The following DAB1 variants were observed in gnomAD, a reference collection of about 807,000 sequenced individuals.
DAB1 encodes disabled homolog 1.
A neutral mutation model predicts 64.6 loss-of-function variants in DAB1; 15 were observed. That is an observed-to-expected ratio of 0.23 (90% CI 0.16 to 0.36). DAB1 has a LOEUF of 0.36. Ranked by LOEUF, DAB1 falls within the 10% of genes least tolerant of loss-of-function variation. The probability of loss-of-function intolerance (pLI) is 1.00; values close to 1 mark genes in which losing one functional copy is unlikely to be tolerated. For missense variants in DAB1, 596 were observed against 706.7 expected (o/e 0.84, Z 1.78); for synonymous variants, 235 against 251.9 (o/e 0.93, Z 0.64).
intron 4 of DAB1, among the ~76,000 whole-genome samples, chr1:58,313,758 T>C (rs1444551760): frequency 1.3e-5 from 2 of 151,440 alleles, no homozygotes; most frequent in Non-Finnish European, 2.9e-5. Context: ...GCCAGTGGGA[T>C]TGGTTCCTGG....
intron 10 of DAB1, 45 bp downstream of exon 10, chr1:57,025,935 AG>A (rs1646770845): frequency 6.1e-6 from 9 of 1,477,770 alleles, no homozygotes; most frequent in Non-Finnish European, 8.2e-6. Context: ...GGATGTGTAA[AG>A]AAAGGAATTC....
chr1:57,358,928 T>G (rs138678208), intron 1 of DAB1, among the ~76,000 whole-genome samples: 37 of 152,024 alleles, frequency 2.4e-4, no homozygotes, highest in Admixed American at 2.2e-3. Flanking sequence ...AAAATAAAAT[T>G]TACTTCTCAC....
chr1:57,264,179 C>T (rs181524455), intron 2 of DAB1, among the ~76,000 whole-genome samples: 1 of 152,162 alleles, frequency 6.6e-6, no homozygotes, highest in Non-Finnish European at 1.5e-5. Flanking sequence ...ATGTACCTCA[C>T]ATCATAGTAT....
chr1:58,354,268 C>G (rs560543642), intron 3 of DAB1, among the ~76,000 whole-genome samples: 2 of 151,948 alleles, frequency 1.3e-5, no homozygotes, highest in Non-Finnish European at 2.9e-5. Context: ...CAGACCTATT[C>G]GAATTCAAGC....
intron 6 of DAB1, among the ~76,000 whole-genome samples, chr1:57,808,189 A>G (rs1040801096): frequency 8.7e-6 from 1 of 114,438 alleles, no homozygotes; most frequent in African/African-American, 4.0e-5. Flanking sequence ...TCACACACAC[A>G]TGCACATGCA....
At chr1:57,045,857 A>G (rs996351317) in intron 9 of DAB1, among the ~76,000 whole-genome samples, 6 of 152,186 alleles carry the variant, frequency 3.9e-5, no homozygotes, top group African/African-American at 1.4e-4. Flanking sequence ...CAGAACTTCT[A>G]TGATAGGCAG....
intron 5 of DAB1, among the ~76,000 whole-genome samples, chr1:57,933,576 A>C (rs1201454140): frequency 6.6e-6 from 1 of 152,104 alleles, no homozygotes; most frequent in Admixed American, 6.6e-5. Context: ...GTTCCTTTTT[A>C]TTATTGATGA....
chr1:58,037,372 C>T (rs1208501243), intron 5 of DAB1, among the ~76,000 whole-genome samples: 1 of 152,142 alleles, frequency 6.6e-6, no homozygotes, highest in Admixed American at 6.5e-5. Flanking sequence ...GGGTCCCCAA[C>T]CCCTGGGCTG....
intron 3 of DAB1, among the ~76,000 whole-genome samples, chr1:58,373,239 G>C (rs959907863): frequency 1.4e-5 from 2 of 145,340 alleles, no homozygotes; most frequent in Non-Finnish European, 3.0e-5. Context: ...AGTTACATAT[G>C]TATACATGTG....
In DAB1 at chr1:58,001,568, C is replaced by T. The variant is rs544528058; in HGVS notation, n.388-117406G>A. Reference sequence around the variant, plus strand: ...AGCCACCACACCCAGCTGAAAAGGCCCTTTTTCTGAACCACACATCTCCTG... The same window carrying T: ...AGCCACCACACCCAGCTGAAAAGGCTCTTTTTCTGAACCACACATCTCCTG... On this transcript the variant is annotated intron_variant and non_coding_transcript_variant, in intron 5 of 20. Transcript: ENST00000485760. Among the ~76,000 whole-genome samples the T allele has an allele frequency of 3.1e-4, 47 of 152,240 alleles. No individual in the cohort carries two copies. In the East Asian group the frequency reaches 8.7e-3, roughly 28 times the overall value.
chr1:58,244,489 C>T lies in DAB1; in HGVS notation n.310-93901G>A, dbSNP rs1660445613. ...GCAATACCTTGCACATAGTAAATGT[C>T]CCTCTCCCTTAAATAAAAGAGTTGG... On this transcript the variant is annotated intron_variant and non_coding_transcript_variant, in intron 4 of 20. Transcript: ENST00000485760. Among the ~76,000 whole-genome samples the T allele has an allele frequency of 2.0e-5, 3 of 152,310 alleles. No homozygotes were observed. The South Asian group carries it at 6.2e-4, about 32-fold the overall frequency.
intron 9 of DAB1, among the ~76,000 whole-genome samples, chr1:57,033,171 T>TACACACAC (rs141683665): frequency 1.6e-3 from 245 of 149,470 alleles, no homozygotes; most frequent in African/African-American, 5.2e-3. Flanking sequence ...CACTTTTGTT[T>TACACACAC]ACACACACAC....
At chr1:57,258,738 T>C (rs1034946338) in intron 2 of DAB1, among the ~76,000 whole-genome samples, 1 of 152,182 alleles carries the variant, frequency 6.6e-6, no homozygotes, top group African/African-American at 2.4e-5. Context: ...TCTCCACTTC[T>C]AAAATCATCT....
intron 4 of DAB1, among the ~76,000 whole-genome samples, chr1:58,303,689 G>A (rs1662225673): frequency 6.6e-6 from 1 of 152,148 alleles, no homozygotes; most frequent in Non-Finnish European, 1.5e-5. Context: ...GAGATCAGGG[G>A]TTTAGCTTAT....
At chr1:57,598,223 C>G (rs1645534404) in intron 7 of DAB1, among the ~76,000 whole-genome samples, 1 of 152,250 alleles carries the variant, frequency 6.6e-6, no homozygotes, top group African/African-American at 2.4e-5. Context: ...ACCTCGTGAT[C>G]CACCCGCCTC....
intron 1 of DAB1, chr1:58,538,836 AATC>A: frequency 1.2e-6 from 1 of 865,072 alleles, no homozygotes; most frequent in South Asian, 1.3e-5. Context: ...CTGGTTTAAG[AATC>A]ATCAACAAGA....
intron 7 of DAB1, among the ~76,000 whole-genome samples, chr1:57,550,373 A>G (rs1644901044): frequency 2.6e-5 from 4 of 152,152 alleles, no homozygotes; most frequent in Admixed American, 2.6e-4. Flanking sequence ...GAGTTGGGTT[A>G]GTTGATCACT....
intron 4 of DAB1, among the ~76,000 whole-genome samples, chr1:58,326,919 A>G (rs1037466180): frequency 6.6e-6 from 1 of 152,220 alleles, no homozygotes; most frequent in Non-Finnish European, 1.5e-5. Flanking sequence ...TTTGATTTTT[A>G]AAGTACTAAA....
chr1:57,286,299 G>C (rs966070223), intron 2 of DAB1, among the ~76,000 whole-genome samples: 8 of 152,006 alleles, frequency 5.3e-5, no homozygotes, highest in Non-Finnish European at 1.0e-4. Context: ...CAAATTGTCA[G>C]GTATTCTTTT....
Sources: gnomAD v4.1 joint callset for allele counts (sites outside exome capture counted in the v4.1 genomes callset) on GRCh38, gnomAD v4.1.1 for gene constraint, MANE v1.5 for transcripts, NCBI Gene and HGNC (gene_info 2026-07-23, HGNC 2026-07-21) for gene names.